FAT3: variants seen among roughly 807,000 people sequenced by gnomAD.
The protein encoded by FAT3 is protocadherin Fat 3.
FAT3 carries 95 observed loss-of-function variants against 310.2 expected under a neutral mutation model. The observed-to-expected ratio is 0.31, with a 90% CI of 0.26 to 0.36. FAT3 has a LOEUF of 0.36. FAT3 is among the 10% of genes least tolerant of loss of function. The pLI is 1.00. For missense variants in FAT3, 5,408 were observed against 5,715.6 expected, an observed-to-expected ratio of 0.95 and a Z score of 1.74; for synonymous variants, 2,314 against 2,192.9, an observed-to-expected ratio of 1.06 and a Z score of -1.54.
intron 2 of FAT3, among the ~76,000 whole-genome samples, chr11:92,511,902 G>A (rs908616481): frequency 6.6e-6 from 1 of 152,118 alleles, no homozygotes; most frequent in African/African-American, 2.4e-5. Flanking sequence ...AGAAATTGAG[G>A]AAAGTAATAA....
chr11:92,755,559 AG>A (rs1400571378), intron 4 of FAT3, among the ~76,000 whole-genome samples: 1 of 152,224 alleles, frequency 6.6e-6, no homozygotes, highest in Non-Finnish European at 1.5e-5. Flanking sequence ...CCACAAAAAA[AG>A]TTACATGAGG....
intron 4 of FAT3, among the ~76,000 whole-genome samples, chr11:92,721,140 T>C (rs1944846939): frequency 1.3e-5 from 2 of 152,194 alleles, no homozygotes; most frequent in Admixed American, 1.3e-4. Flanking sequence ...CAATACCATG[T>C]GTCCAATAGC....
chr11:92,830,912 A>G (rs1948230538), intron 13 of FAT3, among the ~76,000 whole-genome samples: 1 of 152,164 alleles, frequency 6.6e-6, no homozygotes, highest in Non-Finnish European at 1.5e-5. Flanking sequence ...GGTGCTTAGA[A>G]TAGATGTGGA....
chr11:92,545,448 A>G (rs1196319834), intron 3 of FAT3, among the ~76,000 whole-genome samples: 4 of 152,202 alleles, frequency 2.6e-5, no homozygotes, highest in African/African-American at 4.8e-5. Context: ...TGACTAGCCA[A>G]TAGTAGGTAT....
At chr11:92,324,455 C>T (rs181015432) in intron 1 of FAT3, among the ~76,000 whole-genome samples, 11 of 152,072 alleles carry the variant, frequency 7.2e-5, no homozygotes, top group African/African-American at 1.7e-4. Flanking sequence ...TAGGGAGGCC[C>T]GAGGAGAGGG....
intron 3 of FAT3, among the ~76,000 whole-genome samples, chr11:92,674,948 C>A (rs552067851): frequency 6.6e-6 from 1 of 152,130 alleles, no homozygotes; most frequent in Non-Finnish European, 1.5e-5. Flanking sequence ...TTAGGCCCTC[C>A]TCTGAGAATT....
chr11:92,513,631 C>T (rs770704185), intron 2 of FAT3, among the ~76,000 whole-genome samples: 1 of 152,052 alleles, frequency 6.6e-6, no homozygotes, highest in Non-Finnish European at 1.5e-5. Flanking sequence ...ATAATTATTT[C>T]AGAATAAGAA....
intron 3 of FAT3, among the ~76,000 whole-genome samples, chr11:92,635,418 A>G (rs1039035821): frequency 3.3e-5 from 5 of 152,202 alleles, no homozygotes; most frequent in Non-Finnish European, 7.3e-5. Context: ...CTCTAGTACA[A>G]TGAAATATAT....
chr11:92,315,009 A>C (rs1947399794), intron 1 of FAT3, among the ~76,000 whole-genome samples: 1 of 151,904 alleles, frequency 6.6e-6, no homozygotes, highest in South Asian at 2.1e-4. Flanking sequence ...TTTACTCCTA[A>C]ATATACATAC....
intron 1 of FAT3, among the ~76,000 whole-genome samples, chr11:92,304,816 G>A (rs1391927742): frequency 6.6e-6 from 1 of 152,112 alleles, no homozygotes; most frequent in Non-Finnish European, 1.5e-5. Flanking sequence ...AAGCAGGTGT[G>A]AGGTCTGGAT....
intron 1 of FAT3, among the ~76,000 whole-genome samples, chr11:92,234,145 A>G (rs1038932947): frequency 1.3e-5 from 2 of 152,188 alleles, no homozygotes; most frequent in African/African-American, 2.4e-5. Context: ...AAATGCTTTC[A>G]ACTAGGGAAA....
At chr11:92,824,003 C>T (rs1948038417) in intron 13 of FAT3, among the ~76,000 whole-genome samples, 1 of 152,040 alleles carries the variant, frequency 6.6e-6, no homozygotes, top group Non-Finnish European at 1.5e-5. Context: ...ATTTGCCTTC[C>T]ACAGAGAATG....
intron 1 of FAT3, among the ~76,000 whole-genome samples, chr11:92,323,812 CT>C (rs1312088859): frequency 6.6e-6 from 1 of 152,150 alleles, no homozygotes; most frequent in Non-Finnish European, 1.5e-5. Context: ...AGAGAGTTAG[CT>C]TGTCTTTTGA....
At chr11:92,483,705 G>T (rs940748202) in intron 2 of FAT3, among the ~76,000 whole-genome samples, 1 of 134,052 alleles carries the variant, frequency 7.5e-6, no homozygotes, top group African/African-American at 2.9e-5. Context: ...GAGGTACAAT[G>T]ATATGCGTGT....
In FAT3 at chr11:92,591,724, C is replaced by T. The variant is rs768034598; in HGVS notation, c.3607+66776C>T. On this transcript the variant is annotated intron_variant, in intron 3 of 27. Transcript: ENST00000525166. ...ACAGAAGCTTAAAATATTTTTACTC[C>T]CAAAAAGGCATAGAATTTTATCATT... Among the ~76,000 whole-genome samples the T allele has an allele frequency of 1.3e-4, 20 of 152,044 alleles. 1 individual carries two copies. The highest frequency in any genetic ancestry group is 2.9e-4 in the Non-Finnish European group (20 of 68,000).
At chr11:92,774,411 C>T (rs554587797) in intron 7 of FAT3, among the ~76,000 whole-genome samples, 2 of 152,290 alleles carry the variant, frequency 1.3e-5, no homozygotes, top group South Asian at 2.1e-4. Flanking sequence ...AAAAATAATG[C>T]GTGTTTCTTT....
intron 2 of FAT3, among the ~76,000 whole-genome samples, chr11:92,520,393 A>T (rs938259283): frequency 6.6e-6 from 1 of 152,116 alleles, no homozygotes; most frequent in African/African-American, 2.4e-5. Flanking sequence ...GATGATGGAT[A>T]TGTTTGTTGT....
intron 1 of FAT3, among the ~76,000 whole-genome samples, chr11:92,288,543 C>T (rs2134386469): frequency 6.6e-6 from 1 of 152,192 alleles, no homozygotes; most frequent in Admixed American, 6.5e-5. Context: ...TTATGCCTTT[C>T]CTCATCTTAA....
chr11:92,671,787 A>G (rs1241917941), intron 3 of FAT3, among the ~76,000 whole-genome samples: 1 of 152,114 alleles, frequency 6.6e-6, no homozygotes, highest in East Asian at 1.9e-4. Context: ...GTAGTGGCTT[A>G]TTAAATAACT....
Sources: allele counts gnomAD v4.1 joint callset (sites outside exome capture counted in the v4.1 genomes callset), GRCh38; gene constraint gnomAD v4.1.1; transcripts MANE v1.5; gene names NCBI Gene and HGNC (gene_info 2026-07-23, HGNC 2026-07-21).